FARS2: variants seen among roughly 807,000 people sequenced by gnomAD.
FARS2 encodes phenylalanine--tRNA ligase, mitochondrial.
FARS2 carries 40 observed loss-of-function variants against 46.4 expected under a neutral mutation model. The ratio of observed to expected loss-of-function variants is 0.86; its 90% confidence interval spans 0.67 to 1.12. The LOEUF (loss-of-function observed/expected upper bound fraction) is 1.12, where lower values mean the gene tolerates loss of function less well. Among genes scored for constraint, FARS2 ranks in the 50% most tolerant of loss-of-function variants. The probability of loss-of-function intolerance (pLI) is 0.00; values close to 1 mark genes in which losing one functional copy is unlikely to be tolerated. For synonymous variants in FARS2, 234 were observed against 214.9 expected (o/e 1.09, Z -0.78); for missense variants, 513 against 567.9 (o/e 0.90, Z 0.98).
intron 1 of FARS2, among the ~76,000 whole-genome samples, chr6:5,316,210 C>T (rs1769506961): frequency 6.6e-6 from 1 of 152,212 alleles, no homozygotes; most frequent in African/African-American, 2.4e-5. Context: ...GAAGGATTAG[C>T]AGTTTCTCTA....
chr6:5,289,122 A>G (rs1767329596), intron 1 of FARS2, among the ~76,000 whole-genome samples: 1 of 152,238 alleles, frequency 6.6e-6, no homozygotes, highest in African/African-American at 2.4e-5. Context: ...AATGTTAATA[A>G]AATATTTTGA....
intron 5 of FARS2, among the ~76,000 whole-genome samples, chr6:5,571,331 C>A (rs1367222103): frequency 2.0e-5 from 3 of 152,188 alleles, no homozygotes; most frequent in African/African-American, 2.4e-5. Flanking sequence ...GGGTGTAATA[C>A]CTTCATTTCA....
At chr6:5,307,540 G>A (rs1338608687) in intron 1 of FARS2, among the ~76,000 whole-genome samples, 1 of 152,130 alleles carries the variant, frequency 6.6e-6, no homozygotes, top group East Asian at 1.9e-4. Context: ...TGTATATACT[G>A]TTTTCTGCAA....
intron 2 of FARS2, among the ~76,000 whole-genome samples, chr6:5,375,234 A>G (rs1483102104): frequency 1.3e-5 from 2 of 152,098 alleles, no homozygotes; most frequent in Non-Finnish European, 2.9e-5. Context: ...TGTTGGATTC[A>G]GGGACAATAT....
At chr6:5,357,527 C>T (rs570922182) in intron 1 of FARS2, among the ~76,000 whole-genome samples, 10 of 152,298 alleles carry the variant, frequency 6.6e-5, no homozygotes, top group Admixed American at 2.0e-4. Context: ...GAAGAGATGG[C>T]TCAGTTCTCC....
At chr6:5,388,908 T>A (rs1760308951) in intron 2 of FARS2, among the ~76,000 whole-genome samples, 1 of 152,170 alleles carries the variant, frequency 6.6e-6, no homozygotes, top group South Asian at 2.1e-4. Flanking sequence ...AAAATCCTTT[T>A]AAAAAATCCC....
intron 1 of FARS2, among the ~76,000 whole-genome samples, chr6:5,316,613 A>G (rs1378353736): frequency 2.6e-5 from 4 of 152,156 alleles, no homozygotes; most frequent in Non-Finnish European, 4.4e-5. Context: ...GTGGGAACAG[A>G]TAAGCTGTAA....
At position 5,614,693 on chromosome 6, in the gene FARS2, T is replaced by G. The variant is rs73360236; in HGVS notation, c.1217+1373T>G. 1.8e-3 allele frequency among the ~76,000 whole-genome samples: 267 copies of G among 152,308 alleles called. 1 individual carries two copies. Among genetic ancestry groups the G allele is most frequent in the African/African-American group, 6.3e-3 (260 of 41,584 alleles). ...TGATTACAGGCGTGAGCCATCGCGCTGGGCTGCCTTCTTTGTCTTTTAAAG... is the reference window on the plus strand; with the variant it reads ...TGATTACAGGCGTGAGCCATCGCGCGGGGCTGCCTTCTTTGTCTTTTAAAG... On this transcript the variant is annotated intron_variant, in intron 6 of 6. Coordinates refer to ENST00000274680, the MANE Select transcript of FARS2 (RefSeq NM_006567.5).
At chr6:5,255,361 T>G in the FARS2 span, among the ~76,000 whole-genome samples, 2 of 152,224 alleles carry the variant, frequency 1.3e-5, no homozygotes, top group African/African-American at 4.8e-5. Context: ...TGTCTTCTAT[T>G]AAGCCAAACA....
chr6:5,662,890 A>G (rs529235591), intron 6 of FARS2, among the ~76,000 whole-genome samples: 34 of 152,316 alleles, frequency 2.2e-4, no homozygotes, highest in Non-Finnish European at 2.5e-4. Context: ...CCAAGCTCAT[A>G]TGATCATTGT....
At chr6:5,513,532 T>C (rs890819770) in intron 4 of FARS2, among the ~76,000 whole-genome samples, 2 of 152,202 alleles carry the variant, frequency 1.3e-5, no homozygotes, top group African/African-American at 4.8e-5. Context: ...TTGCACTCTT[T>C]GTGTTCGAGT....
chr6:5,705,285 C>T (rs1758670216), intron 6 of FARS2, among the ~76,000 whole-genome samples: 1 of 152,166 alleles, frequency 6.6e-6, no homozygotes, highest in African/African-American at 2.4e-5. Context: ...TAGAAAATCC[C>T]CATGTTTCTT....
intron 6 of FARS2, among the ~76,000 whole-genome samples, chr6:5,732,029 C>T (rs1444527200): frequency 1.3e-5 from 2 of 152,208 alleles, no homozygotes; most frequent in South Asian, 2.1e-4. Context: ...CTGCTGACCC[C>T]GTCACTGAGA....
chr6:5,722,088 GT>G (rs1759946215), intron 6 of FARS2, among the ~76,000 whole-genome samples: 1 of 152,032 alleles, frequency 6.6e-6, no homozygotes, highest in African/African-American at 2.4e-5. Flanking sequence ...ACAAATTGTT[GT>G]TTTTTTCCTT....
chr6:5,715,190 T>C (rs1007562774), intron 6 of FARS2, among the ~76,000 whole-genome samples: 4 of 152,314 alleles, frequency 2.6e-5, no homozygotes, highest in African/African-American at 9.6e-5. Context: ...TTAAATATCT[T>C]GCCCAGGGTC....
Position 5,572,223 on chromosome 6 carries a change from T to G in FARS2, c.1065+26883T>G, listed in dbSNP as rs1355254903. Reference sequence around the variant, plus strand: ...CATCTGCTTGGCTTCTCAGGAGGCCTCAGGAAGCTTACAGCCATGGCGGAA... The same window carrying G: ...CATCTGCTTGGCTTCTCAGGAGGCCGCAGGAAGCTTACAGCCATGGCGGAA... On this transcript the variant is annotated intron_variant, in intron 5 of 6. Coordinates refer to ENST00000274680, the MANE Select transcript of FARS2 (RefSeq NM_006567.5). 3.3e-5 allele frequency among the ~76,000 whole-genome samples: 5 copies of G among 152,210 alleles called. No individual in the cohort carries two copies. In the East Asian group the frequency reaches 9.6e-4, roughly 29 times the overall value.
chr6:5,605,436 C>A (rs561211462), intron 5 of FARS2, among the ~76,000 whole-genome samples: 10 of 152,224 alleles, frequency 6.6e-5, no homozygotes, highest in Non-Finnish European at 1.3e-4. Flanking sequence ...AGGACAGAGA[C>A]AAGGCCTCCT....
chr6:5,703,303 T>C (rs1487190076), intron 6 of FARS2, among the ~76,000 whole-genome samples: 1 of 152,080 alleles, frequency 6.6e-6, no homozygotes, highest in Admixed American at 6.6e-5. Flanking sequence ...GTCTGCTTAC[T>C]CTCCGCTGGG....
At chr6:5,539,169 A>G (rs1770408336) in intron 4 of FARS2, among the ~76,000 whole-genome samples, 2 of 150,978 alleles carry the variant, frequency 1.3e-5, no homozygotes, top group East Asian at 1.9e-4. Flanking sequence ...TCAACCTTTC[A>G]GTGTGGTCCT....
Sources: gnomAD v4.1 joint callset for allele counts (sites outside exome capture counted in the v4.1 genomes callset) on GRCh38, gnomAD v4.1.1 for gene constraint, MANE v1.5 for transcripts, NCBI Gene and HGNC (gene_info 2026-07-23, HGNC 2026-07-21) for gene names.